Variants in PLEKHM3 observed in about 807,000 individuals in gnomAD.
PLEKHM3 encodes pleckstrin homology domain-containing family M member 3.
PLEKHM3 carries 45 observed loss-of-function variants against 81.8 expected under a neutral mutation model. The observed-to-expected ratio is 0.55, with a 90% CI of 0.43 to 0.71. PLEKHM3 has a LOEUF of 0.71. Ranked by LOEUF, PLEKHM3 falls within the 30% of genes least tolerant of loss-of-function variation. PLEKHM3 has a pLI of 0.00. For missense variants in PLEKHM3, 788 were observed against 924.3 expected, an observed-to-expected ratio of 0.85 and a Z score of 1.91; for synonymous variants, 352 against 356.4, an observed-to-expected ratio of 0.99 and a Z score of 0.14.
intron 2 of PLEKHM3, among the ~76,000 whole-genome samples, chr2:207,990,999 C>G (rs1167211467): frequency 6.6e-6 from 1 of 152,258 alleles, no homozygotes; most frequent in Middle Eastern, 3.4e-3. Context: ...CTATGGGCAA[C>G]AGTGATAGAG....
chr2:207,930,053 T>C (rs1487254081), intron 5 of PLEKHM3: 2 of 527,106 alleles, frequency 3.8e-6, no homozygotes, highest in Non-Finnish European at 6.7e-6. Flanking sequence ...TAAATGCCTA[T>C]AAAATCTGTC....
chr2:207,903,771 C>T (rs1005779058), intron 6 of PLEKHM3, among the ~76,000 whole-genome samples: 20 of 152,124 alleles, frequency 1.3e-4, no homozygotes, highest in African/African-American at 4.6e-4. Context: ...GTTAAAAGTG[C>T]CAAGGGGATG....
intron 4 of PLEKHM3, among the ~76,000 whole-genome samples, chr2:207,941,068 C>A (rs970144349): frequency 3.3e-5 from 5 of 152,166 alleles, no homozygotes; most frequent in Admixed American, 1.3e-4. Context: ...TTGGGTAGAA[C>A]TGGACACAGA....
intron 3 of PLEKHM3, among the ~76,000 whole-genome samples, chr2:207,956,718 ATTTTTTTTTTTTTTT>A (rs1170073686): frequency 1.4e-5 from 1 of 69,108 alleles, no homozygotes; most frequent in East Asian, 4.2e-4. Context: ...GCTGATTAAA[ATTTTTTTTTTTTTTT>A]TTTTTTTTTT....
intron 3 of PLEKHM3, among the ~76,000 whole-genome samples, chr2:207,966,552 G>C (rs1559260738): frequency 6.6e-6 from 1 of 151,886 alleles, no homozygotes; most frequent in Non-Finnish European, 1.5e-5. Flanking sequence ...ATGTGGATGA[G>C]TATTTTTTCT....
intron 7 of PLEKHM3, among the ~76,000 whole-genome samples, chr2:207,841,421 C>T (rs1241157701): frequency 3.8e-5 from 5 of 131,634 alleles, no homozygotes; most frequent in African/African-American, 1.5e-4. Flanking sequence ...TGCACTCCAG[C>T]CCGGGTGACA....
intron 3 of PLEKHM3, among the ~76,000 whole-genome samples, chr2:207,964,033 G>A (rs568082810): frequency 1.3e-5 from 2 of 152,228 alleles, no homozygotes; most frequent in Admixed American, 6.5e-5. Flanking sequence ...CCAATATGGT[G>A]AAACCCCGTC....
rs1170957663 is a variant in PLEKHM3 at position 207,885,747 on chromosome 2, T to C, written c.1950+22767A>G. Reference sequence around the variant, plus strand: ...ATTGATTGCTCACAATAATTAGTTATCTCAGATACTTAAAAATGATTTTAT... The same window carrying C: ...ATTGATTGCTCACAATAATTAGTTACCTCAGATACTTAAAAATGATTTTAT... On this transcript the variant is annotated intron_variant, in intron 6 of 7. Coordinates refer to ENST00000427836, the MANE Select transcript of PLEKHM3 (RefSeq NM_001080475.3). Among the ~76,000 whole-genome samples the C allele has an allele frequency of 1.2e-4, 18 of 152,346 alleles. 2 individuals are homozygous for C. The South Asian group carries it at 3.5e-3, about 30-fold the overall frequency.
chr2:207,863,964 T>C (rs989051148), intron 6 of PLEKHM3, among the ~76,000 whole-genome samples: 7 of 150,360 alleles, frequency 4.7e-5, no homozygotes, highest in African/African-American at 7.3e-5. Context: ...ACAAAGTTTA[T>C]ATATATATAT....
chr2:207,836,192 T>C (rs1433190905), intron 7 of PLEKHM3, among the ~76,000 whole-genome samples: 1 of 152,040 alleles, frequency 6.6e-6, no homozygotes, highest in African/African-American at 2.4e-5. Flanking sequence ...ATGCATCATA[T>C]GCATGCCTGT....
In PLEKHM3 at chr2:208,001,785, A is replaced by C. The variant is rs761878339; in HGVS notation, c.-146T>G. On this transcript the variant is annotated 5_prime_UTR_variant, in exon 2 of 8. Transcript: ENST00000427836. ...TCATTGGGCTCCCTGGAGCAGGCCA[A>C]ACCCAAAGTGGTTGATGTTTTCCTG... 45 of 1,338,752 alleles carry C rather than the reference A, an allele frequency of 3.4e-5. No homozygotes were observed. Among genetic ancestry groups the C allele is most frequent in the Non-Finnish European group, 4.2e-5 (42 of 994,514 alleles). 82.9% of individuals were successfully genotyped at this position (1,338,752 alleles called of 1,614,324 possible).
intron 7 of PLEKHM3, among the ~76,000 whole-genome samples, chr2:207,833,111 C>CAAAAA (rs71036960): frequency 5.2e-5 from 4 of 76,860 alleles, no homozygotes; most frequent in Admixed American, 1.4e-4. Context: ...GACACCATCT[C>CAAAAA]AAAAAAAAAA....
chr2:207,916,680 G>C (rs933563717), intron 5 of PLEKHM3, among the ~76,000 whole-genome samples: 1 of 152,066 alleles, frequency 6.6e-6, no homozygotes, highest in Non-Finnish European at 1.5e-5. Flanking sequence ...CCCAGGAGGC[G>C]GAGGTTGCAG....
intron 3 of PLEKHM3, among the ~76,000 whole-genome samples, chr2:207,968,395 G>T (rs753172582): frequency 2.0e-5 from 3 of 151,990 alleles, no homozygotes; most frequent in African/African-American, 7.3e-5. Context: ...TGGGGGTGGG[G>T]GGCCACTTTA....
rs974468922 is a variant in PLEKHM3, at chr2:207,824,551, G to A, written c.*3768C>T. On this transcript the variant is annotated 3_prime_UTR_variant, in exon 8 of 8. Coordinates refer to ENST00000427836, the MANE Select transcript of PLEKHM3 (RefSeq NM_001080475.3). ...TCTGCAGAAAATGTTCAGTGTGCGT[G>A]GCATCGTGCTAGTCCCACCTGGATA... The A allele has an allele frequency of 6.6e-6, 1 of 152,234 alleles. No homozygotes were observed. Among genetic ancestry groups the A allele is most frequent in the African/African-American group, 2.4e-5 (1 of 41,456 alleles). 9.4% of individuals were successfully genotyped at this position (152,234 alleles called of 1,614,324 possible).
chr2:207,956,084 C>T (rs988472753), intron 3 of PLEKHM3, among the ~76,000 whole-genome samples: 18 of 152,146 alleles, frequency 1.2e-4, no homozygotes, highest in Non-Finnish European at 5.9e-5. Flanking sequence ...CCTTTGGAAA[C>T]ACTGGATATT....
chr2:207,948,449 G>A (rs1424376607), intron 3 of PLEKHM3, among the ~76,000 whole-genome samples: 3 of 145,556 alleles, frequency 2.1e-5, no homozygotes, highest in Admixed American at 7.1e-5. Context: ...TCCACCTTCC[G>A]GGTTCAAGCG....
rs2092231860 is a variant in PLEKHM3 at position 207,823,562 on chromosome 2, A to G, written c.*4757T>C. On this transcript the variant is annotated 3_prime_UTR_variant, in exon 8 of 8. Coordinates refer to ENST00000427836, the MANE Select transcript of PLEKHM3 (RefSeq NM_001080475.3). The stretch of plus-strand genomic sequence containing the variant: ...AAGTGATTCACCCACCTCGGCCTTC[A>G]AAGTGTTGGGATTACAGGCATGAGC... 2 of 152,066 alleles carry G rather than the reference A, an allele frequency of 1.3e-5. No homozygotes were observed. The highest frequency in any genetic ancestry group is 4.8e-5 in the African/African-American group (2 of 41,412). 9.4% of individuals were successfully genotyped at this position (152,066 alleles called of 1,614,324 possible).
chr2:208,018,661 C>T (rs1257485711), intron 1 of PLEKHM3, among the ~76,000 whole-genome samples: 1 of 152,166 alleles, frequency 6.6e-6, no homozygotes, highest in Non-Finnish European at 1.5e-5. Context: ...CATGCAATCA[C>T]CACCATCCAG....
Sources: gnomAD v4.1 joint callset for allele counts (sites outside exome capture counted in the v4.1 genomes callset) on GRCh38, gnomAD v4.1.1 for gene constraint, MANE v1.5 for transcripts, NCBI Gene and HGNC (gene_info 2026-07-23, HGNC 2026-07-21) for gene names.